S100A10: variants seen among roughly 807,000 people sequenced by gnomAD.
The protein encoded by S100A10 is protein S100-A10.
A neutral mutation model predicts 7.1 loss-of-function variants in S100A10; 3 were observed. The observed-to-expected ratio is 0.42, with a 90% CI of 0.19 to 1.10. The LOEUF is 1.10. Among genes scored for constraint, S100A10 ranks in the 50% least tolerant of loss-of-function variants. The pLI is 0.29. For missense variants in S100A10, 101 were observed against 118.1 expected (o/e 0.86, Z 0.67); for synonymous variants, 41 against 39.3 (o/e 1.04, Z -0.16).
At chr1:151,990,863 C>T (rs1208557759) in intron 1 of S100A10, among the ~76,000 whole-genome samples, 3 of 152,232 alleles carry the variant, frequency 2.0e-5, no homozygotes, top group African/African-American at 7.2e-5. Context: ...CCCCAGCCCT[C>T]ATAGAGCCTG....
chr1:151,989,710 G>C (rs568307680), intron 1 of S100A10, among the ~76,000 whole-genome samples: 1 of 152,360 alleles, frequency 6.6e-6, no homozygotes, highest in South Asian at 2.1e-4. Flanking sequence ...CCGTTCTTGG[G>C]TGGGGCTTGC....
At position 151,987,965 on chromosome 1, in the gene S100A10, A is replaced by G. The variant is rs372578839; in HGVS notation, c.-21-1714T>C. 4.6e-5 allele frequency among the ~76,000 whole-genome samples: 7 copies of G among 152,374 alleles called. No individual in the cohort carries two copies. The South Asian group carries it at 1.4e-3, about 32-fold the overall frequency. On this transcript the variant is annotated intron_variant, in intron 1 of 2. Transcript: ENST00000368811. ...CATTGTCTAGTTCACTTGAGAAGCA[A>G]CAAGTAATACTATAACCTAACTCAT...
At chr1:151,986,514 A>G (rs1010082635) in intron 1 of S100A10, among the ~76,000 whole-genome samples, 4 of 152,220 alleles carry the variant, frequency 2.6e-5, no homozygotes, top group Non-Finnish European at 5.9e-5. Flanking sequence ...GTAATTAACT[A>G]TAGTCACGTT....
intron 2 of S100A10, among the ~76,000 whole-genome samples, chr1:151,984,378 A>G (rs1462363319): frequency 6.6e-6 from 1 of 152,154 alleles, no homozygotes; most frequent in East Asian, 1.9e-4. Flanking sequence ...AACGTGCTCT[A>G]TGCAGCTCTT....
chr1:151,988,024 C>G (rs889250600), intron 1 of S100A10, among the ~76,000 whole-genome samples: 1 of 152,206 alleles, frequency 6.6e-6, no homozygotes, highest in African/African-American at 2.4e-5. Context: ...TGACATTAGA[C>G]AGATGAGCTG....
At chr1:151,988,260 A>G (rs939981597) in intron 1 of S100A10, among the ~76,000 whole-genome samples, 2 of 152,242 alleles carry the variant, frequency 1.3e-5, no homozygotes, top group Admixed American at 6.5e-5. Context: ...ATCACCTAAA[A>G]TCACTACTGG....
intron 2 of S100A10, 22 bp downstream of exon 2, chr1:151,986,077 T>G: frequency 1.3e-6 from 2 of 1,571,908 alleles, no homozygotes; most frequent in Non-Finnish European, 1.7e-6. Context: ...GTCTGGTTCT[T>G]TGTAAGCTTT....
chr1:151,992,218 G>T (rs548779733), intron 1 of S100A10, among the ~76,000 whole-genome samples: 1 of 152,292 alleles, frequency 6.6e-6, no homozygotes, highest in African/African-American at 2.4e-5. Flanking sequence ...GCTGAAACAT[G>T]TTGGAGGCAA....
chr1:151,982,958 G>T lies in S100A10; in HGVS notation c.*205C>A. 2.4e-6 allele frequency: 1 copy of T among 409,338 alleles called. No individual in the cohort carries two copies. Among genetic ancestry groups the T allele is most frequent in the South Asian group, 7.9e-5 (1 of 12,726 alleles). The allele number at this position is 409,338 out of a possible 1,614,324, so 25.4% of individuals were successfully genotyped here. On this transcript the variant is annotated 3_prime_UTR_variant, in exon 3 of 3. Transcript: ENST00000368811. ...CTTTATTTATTGAGGGCAAGGGGAT[G>T]CAAACAATACAAAAATCAAAAGCTT...
intron 1 of S100A10, among the ~76,000 whole-genome samples, chr1:151,991,316 A>T (rs1655899337): frequency 6.6e-6 from 1 of 152,204 alleles, no homozygotes; most frequent in Admixed American, 6.5e-5. Context: ...TCACCAACTA[A>T]AACTTGCCCA....
At chr1:151,989,911 C>T (rs1655870913) in intron 1 of S100A10, among the ~76,000 whole-genome samples, 1 of 152,210 alleles carries the variant, frequency 6.6e-6, no homozygotes, top group Admixed American at 6.5e-5. Context: ...CTGCAGTGTC[C>T]TCTCTATCCC....
In S100A10 at chr1:151,986,259, A is replaced by G. The variant is rs190916122; in HGVS notation, c.-21-8T>C. 120 of 1,569,790 alleles carry G rather than the reference A, an allele frequency of 7.6e-5. No homozygotes were observed. In the East Asian group the frequency reaches 2.5e-3, roughly 33 times the overall value. On this transcript the variant is annotated splice_polypyrimidine_tract_variant and splice_region_variant and intron_variant, in intron 1 of 2. Transcript: ENST00000368811. ...GGTGTGGTCCGTTGAAGCCTATTAAAGGATGTAAAGTAACAGGGTCTACAT... is the reference window on the plus strand; with the variant it reads ...GGTGTGGTCCGTTGAAGCCTATTAAGGGATGTAAAGTAACAGGGTCTACAT...
In S100A10 at chr1:151,993,232, G is replaced by C. The variant is rs901727223; in HGVS notation, c.-22+520C>G. On this transcript the variant is annotated intron_variant, in intron 1 of 2. Coordinates refer to ENST00000368811, the MANE Select transcript of S100A10 (RefSeq NM_002966.3). The surrounding 1 kb of genome is among the most constrained non-coding windows in gnomAD (Gnocchi z 5.1). ...GACCAGAAACGCCTGTTTGGCCGACGGACTAAGGGTTACGGAAGGGACGCC... is the reference window on the plus strand; with the variant it reads ...GACCAGAAACGCCTGTTTGGCCGACCGACTAAGGGTTACGGAAGGGACGCC... Among the ~76,000 whole-genome samples the C allele has an allele frequency of 3.9e-5, 6 of 152,170 alleles. No individual in the cohort carries two copies. Among genetic ancestry groups the C allele is most frequent in the Non-Finnish European group, 4.4e-5 (3 of 68,022 alleles).
At position 151,983,380 on chromosome 1, in the gene S100A10, C is replaced by G; in HGVS notation, c.133-56G>C. On this transcript the variant is annotated intron_variant, in intron 2 of 2. Coordinates refer to ENST00000368811, the MANE Select transcript of S100A10 (RefSeq NM_002966.3). ...AGAAGTCAAAGGTTGCAATGAGGAG[C>G]TTATTTGATTTGTACTGCTGAGAAC... 7.2e-6 allele frequency: 9 copies of G among 1,243,298 alleles called. No individual in the cohort carries two copies. In the South Asian group the frequency reaches 1.6e-4, roughly 22 times the overall value. 77.0% of individuals were successfully genotyped at this position (1,243,298 alleles called of 1,614,324 possible). A position where few individuals can be genotyped will look rare whatever the true frequency, so the allele number is the denominator to read the frequency against.
In S100A10 at chr1:151,983,341, C is replaced by T; in HGVS notation, c.133-17G>A. The T allele has an allele frequency of 6.7e-7, 1 of 1,503,554 alleles. No homozygotes were observed. The highest frequency in any genetic ancestry group is 8.9e-7 in the Non-Finnish European group (1 of 1,127,612). 93.1% of individuals were successfully genotyped at this position (1,503,554 alleles called of 1,614,324 possible). ...TTTTTGATTCTGAAAAAAAAAAGAA[C>T]AAAGGCAAGAAATAGAAGTCAAAGG... On this transcript the variant is annotated splice_polypyrimidine_tract_variant and intron_variant, in intron 2 of 2. Transcript: ENST00000368811.
intron 1 of S100A10, chr1:151,992,684 T>C (rs1189184044): frequency 1.3e-5 from 2 of 151,972 alleles, no homozygotes; most frequent in Non-Finnish European, 1.5e-5. Context: ...TGGAGCCCTT[T>C]GTGCTAACCA....
In S100A10 at chr1:151,993,084, G is replaced by T. The variant is rs1655940786; in HGVS notation, c.-22+668C>A. ...ACAGCAAGGGAACCCTTTCAGTAGA[G>T]AAACCACGTCACACAGGGCCCTCTC... On this transcript the variant is annotated intron_variant, in intron 1 of 2. Transcript: ENST00000368811. The surrounding 1 kb of genome is among the most constrained non-coding windows in gnomAD (Gnocchi z 5.1). Among the ~76,000 whole-genome samples the T allele has an allele frequency of 1.3e-5, 2 of 152,168 alleles. No homozygotes were observed. Among genetic ancestry groups the T allele is most frequent in the Admixed American group, 6.5e-5 (1 of 15,288 alleles).
At chr1:151,985,828 T>TA (rs1443201624) in intron 2 of S100A10, among the ~76,000 whole-genome samples, 1 of 152,244 alleles carries the variant, frequency 6.6e-6, no homozygotes, top group East Asian at 1.9e-4. Flanking sequence ...TATGCAGTCT[T>TA]ATTTCACCTG....
chr1:151,990,135 G>A (rs1388871855), intron 1 of S100A10, among the ~76,000 whole-genome samples: 1 of 152,222 alleles, frequency 6.6e-6, no homozygotes, highest in Non-Finnish European at 1.5e-5. Context: ...TGAAAGCCTT[G>A]TAGCTCAGAG....
Sources: gnomAD v4.1 joint callset for allele counts (sites outside exome capture counted in the v4.1 genomes callset) on GRCh38, gnomAD v4.1.1 for gene constraint, Gnocchi (gnomAD v3.1) non-coding constraint, MANE v1.5 for transcripts, NCBI Gene and HGNC (gene_info 2026-07-23, HGNC 2026-07-21) for gene names.